Variants in ATP8A2 observed in about 807,000 individuals in gnomAD.
ATP8A2 encodes the protein phospholipid-transporting ATPase IB.
ATP8A2 carries 100 observed loss-of-function variants against 165.6 expected under a neutral mutation model. The ratio of observed to expected loss-of-function variants is 0.60; its 90% CI spans 0.51 to 0.71. The LOEUF (loss-of-function observed/expected upper bound fraction) is 0.71. Among genes scored for constraint, ATP8A2 ranks in the 30% least tolerant of loss-of-function variants. The pLI is 0.00. For synonymous variants in ATP8A2, 543 were observed against 548.8 expected, an observed-to-expected ratio of 0.99 and a Z score of 0.15; for missense variants, 1,227 against 1,479.5, an observed-to-expected ratio of 0.83 and a Z score of 2.80.
chr13:25,840,712 A>T (rs982492597), intron 30 of ATP8A2, among the ~76,000 whole-genome samples: 27 of 152,258 alleles, frequency 1.8e-4, no homozygotes, highest in Non-Finnish European at 3.8e-4. Context: ...TTTTATAAAT[A>T]AGAGTGTATA....
intron 25 of ATP8A2, among the ~76,000 whole-genome samples, chr13:25,755,299 C>T (rs1044037461): frequency 6.6e-6 from 1 of 152,182 alleles, no homozygotes; most frequent in Non-Finnish European, 1.5e-5. Context: ...GACAAAGCTA[C>T]AGAAAGGGAG....
intron 18 of ATP8A2, among the ~76,000 whole-genome samples, chr13:25,573,450 G>C (rs1039607071): frequency 9.2e-5 from 14 of 152,234 alleles, no homozygotes; most frequent in South Asian, 2.1e-4. Context: ...GTTAGGACTC[G>C]TAGATAACAG....
intron 27 of ATP8A2, among the ~76,000 whole-genome samples, chr13:25,826,835 G>A (rs939355594): frequency 2.0e-5 from 3 of 149,262 alleles, no homozygotes; most frequent in East Asian, 2.0e-4. Flanking sequence ...CTGTCCTCCC[G>A]GTGGCTCGGC....
intron 35 of ATP8A2, among the ~76,000 whole-genome samples, chr13:25,985,331 TTTC>T (rs1329885842): frequency 6.6e-6 from 1 of 152,248 alleles, no homozygotes; most frequent in East Asian, 1.9e-4. Context: ...AAGTTCTTTC[TTTC>T]TTCTTCATAT....
At chr13:25,419,705 G>T (rs183406605) in intron 1 of ATP8A2, among the ~76,000 whole-genome samples, 184 of 152,232 alleles carry the variant, frequency 1.2e-3, no homozygotes, top group Non-Finnish European at 2.0e-3. Flanking sequence ...CTAAAGAATT[G>T]ATATAATATC....
chr13:25,799,215 A>T (rs1181514312), intron 27 of ATP8A2, among the ~76,000 whole-genome samples: 1 of 152,198 alleles, frequency 6.6e-6, no homozygotes, highest in Non-Finnish European at 1.5e-5. Context: ...AGGAACTAGG[A>T]TGATAAGGGT....
In ATP8A2 at chr13:25,961,646, A is replaced by T. The variant is rs756581191; in HGVS notation, c.3255A>T (p.Glu1085Asp). ...TGGTTCCTACTGCCTGTTTGATTGA[A>T]GATGTGGCATGGAGAGCGTAAGTTT... ...LFLVPTACLI[E>D]DVAWRAAKHT... Residue 1085 changes from glutamate (E) to aspartate (D), a missense_variant, in exon 34 of 37, where the codon GAA becomes GAT. Physicochemically the swap from Glu to Asp is conservative, Grantham distance 45. Around this residue, in one of 5 missense-constraint regions of ATP8A2, gnomAD observed 260 missense variants for 245.1 expected, o/e 1.06. Coordinates refer to ENST00000381655, the MANE Select transcript of ATP8A2 (RefSeq NM_016529.6). 6 of 1,613,584 alleles carry T rather than the reference A, an allele frequency of 3.7e-6. No homozygotes were observed. The African/African-American group carries it at 8.0e-5, about 22-fold the overall frequency.
chr13:25,912,077 G>A (rs947228547), intron 33 of ATP8A2, among the ~76,000 whole-genome samples: 6 of 151,540 alleles, frequency 4.0e-5, no homozygotes, highest in African/African-American at 1.2e-4. Flanking sequence ...CAAATTAATT[G>A]CAACACTATT....
rs117754655 is a variant in ATP8A2, at chr13:25,951,539, C to G, written c.3184-10036C>G. 5.9e-5 allele frequency among the ~76,000 whole-genome samples: 9 copies of G among 152,222 alleles called. No individual in the cohort carries two copies. The East Asian group carries it at 1.7e-3, about 29-fold the overall frequency. ...GGCTTTCTGGGATAATGGAAATGTT[C>G]TATATTTTGTTTTGGGTGGTAGGTA... On this transcript the variant is annotated intron_variant, in intron 33 of 36. Transcript: ENST00000381655.
chr13:25,902,939 G>GCACA lies in ATP8A2; in HGVS notation c.3183+40561_3183+40564dup, dbSNP rs3221410. Among the ~76,000 whole-genome samples the GCACA allele has an allele frequency of 8.2e-3, 1,148 of 140,504 alleles. 13 individuals are homozygous for GCACA. The highest frequency in any genetic ancestry group is 0.025 in the African/African-American group (928 of 37,428). 92.2% of individuals were successfully genotyped at this position (140,504 alleles called of 152,430 possible). ...AACTGACTTTATACATCCTCAGCAT[G>GCACA]CACACACACACACACACACACACAC... On this transcript the variant is annotated intron_variant, in intron 33 of 36. Transcript: ENST00000381655.
At chr13:25,425,246 A>G (rs953421404) in intron 1 of ATP8A2, among the ~76,000 whole-genome samples, 1 of 152,034 alleles carries the variant, frequency 6.6e-6, no homozygotes, top group Non-Finnish European at 1.5e-5. Context: ...TGTGTTTTGT[A>G]TATACATTTT....
intron 33 of ATP8A2, among the ~76,000 whole-genome samples, chr13:25,957,023 G>A (rs184995828): frequency 9.9e-4 from 151 of 152,338 alleles, no homozygotes; most frequent in African/African-American, 3.6e-3. Context: ...AATGTGGAAA[G>A]GAGTCCCTAT....
At chr13:26,016,660 A>T (rs1179122209) in intron 36 of ATP8A2, among the ~76,000 whole-genome samples, 1 of 152,214 alleles carries the variant, frequency 6.6e-6, no homozygotes, top group Non-Finnish European at 1.5e-5. Context: ...CCCCCCAACC[A>T]GGAGAAAAAA....
chr13:25,528,997 C>A (rs190213026), intron 2 of ATP8A2, among the ~76,000 whole-genome samples: 7 of 152,066 alleles, frequency 4.6e-5, no homozygotes, highest in Non-Finnish European at 1.0e-4. Flanking sequence ...CCACAATAGG[C>A]CCCAGTGTGT....
chr13:25,873,506 A>G (rs1198508822), intron 33 of ATP8A2, among the ~76,000 whole-genome samples: 3 of 152,124 alleles, frequency 2.0e-5, no homozygotes, highest in Admixed American at 2.0e-4. Context: ...GTAAGTGACA[A>G]TTTCTAAGCA....
At chr13:25,593,902 A>G (rs1328964878) in intron 24 of ATP8A2, among the ~76,000 whole-genome samples, 1 of 152,258 alleles carries the variant, frequency 6.6e-6, no homozygotes, top group East Asian at 1.9e-4. Flanking sequence ...ACAACATTGT[A>G]AGCAGAAGCT....
At chr13:25,672,307 G>C (rs1408330983) in intron 24 of ATP8A2, among the ~76,000 whole-genome samples, 1 of 152,090 alleles carries the variant, frequency 6.6e-6, no homozygotes, top group Non-Finnish European at 1.5e-5. Context: ...ATCCTTGTAA[G>C]GCACCATAGA....
chr13:25,875,915 G>A (rs1479963936), intron 33 of ATP8A2, among the ~76,000 whole-genome samples: 1 of 152,192 alleles, frequency 6.6e-6, no homozygotes, highest in Non-Finnish European at 1.5e-5. Flanking sequence ...TTTATGATAA[G>A]AGATTAAAAC....
chr13:25,736,386 C>T (rs1369528665), intron 25 of ATP8A2, among the ~76,000 whole-genome samples: 1 of 152,202 alleles, frequency 6.6e-6, no homozygotes, highest in Non-Finnish European at 1.5e-5. Flanking sequence ...CTGCAATGAA[C>T]CCTGTGTTCC....
Sources: gnomAD v4.1 joint callset for allele counts (sites outside exome capture counted in the v4.1 genomes callset) on GRCh38, gnomAD v4.1.1 for gene constraint, gnomAD v4.1.1 regional missense constraint, MANE v1.5 for transcripts, NCBI Gene and HGNC (gene_info 2026-07-23, HGNC 2026-07-21) for gene names.